The following PRRC2B variants were observed in gnomAD, a reference collection of about 807,000 sequenced individuals.
PRRC2B encodes the protein protein PRRC2B.
A neutral mutation model predicts 242.3 loss-of-function variants in PRRC2B; 68 were observed. The observed-to-expected ratio is 0.28, with a 90% CI of 0.23 to 0.34. PRRC2B has a LOEUF of 0.34. Among genes scored for constraint, PRRC2B ranks in the 10% least tolerant of loss-of-function variants. The pLI, the probability that PRRC2B is intolerant of heterozygous loss-of-function variation, is 1.00. For synonymous variants in PRRC2B, 1,228 were observed against 1,173.6 expected (o/e 1.05, Z -0.95); for missense variants, 2,835 against 2,954.8 (o/e 0.96, Z 0.94).
chr9:131,471,739 G>A (rs1315744697), intron 14 of PRRC2B, among the ~76,000 whole-genome samples: 1 of 152,188 alleles, frequency 6.6e-6, no homozygotes, highest in African/African-American at 2.4e-5. Context: ...TCCTGACTTA[G>A]GTTGCTTGAC....
At chr9:131,403,676 AAAAC>A (rs1337399540) in intron 1 of PRRC2B, among the ~76,000 whole-genome samples, 136 of 69,748 alleles carry the variant, frequency 1.9e-3, no homozygotes, top group African/African-American at 5.0e-3. Context: ...AAAAAAAAAA[AAAAC>A]AAAATTAAAA....
At chr9:131,455,570 G>C (rs887341962) in intron 10 of PRRC2B, among the ~76,000 whole-genome samples, 1 of 147,128 alleles carries the variant, frequency 6.8e-6, no homozygotes, top group Middle Eastern at 3.3e-3. Context: ...AGGCTGGAGT[G>C]CGGTGGCATG....
chr9:131,397,846 A>G (rs1187834418), intron 1 of PRRC2B, among the ~76,000 whole-genome samples: 2 of 152,186 alleles, frequency 1.3e-5, no homozygotes, highest in African/African-American at 4.8e-5. Context: ...ATTTCTCCCC[A>G]AAAAACAACA....
At chr9:131,431,638 G>C (rs1171907135) in intron 2 of PRRC2B, among the ~76,000 whole-genome samples, 1 of 149,538 alleles carries the variant, frequency 6.7e-6, no homozygotes, top group Non-Finnish European at 1.5e-5. Flanking sequence ...GCTGGATGGA[G>C]TGCAGTGGCG....
intron 1 of PRRC2B, among the ~76,000 whole-genome samples, chr9:131,421,673 A>G (rs1441711758): frequency 6.6e-6 from 1 of 152,132 alleles, no homozygotes; most frequent in Admixed American, 6.6e-5. Flanking sequence ...CTTTGTCACT[A>G]TTGTGAGTGG....
rs1352583728 is a variant in PRRC2B at position 131,481,784 on chromosome 9, C to G, written c.4959C>G (p.Ser1653Arg). The change falls in exon 20 of 32, where the codon AGC becomes AGG. Residue 1653 changes from serine (S) to arginine (R), a missense_variant. Coordinates refer to ENST00000683519, the MANE Select transcript of PRRC2B (RefSeq NM_013318.4). ...GGAGGAAAGCTGTCACTGCCTTCAG[C>G]AGCACCGAGACTGGCTCTGCGGAGG... ...DSWRKAVTAF[S>R]STETGSAEQG... The G allele has an allele frequency of 6.4e-7, 1 of 1,562,712 alleles. No homozygotes were observed. Among genetic ancestry groups the G allele is most frequent in the Admixed American group, 1.9e-5 (1 of 53,202 alleles).
chr9:131,459,213 G>T lies in PRRC2B; in HGVS notation c.1261G>T (p.Asp421Tyr). The T allele has an allele frequency of 2.2e-5, 35 of 1,614,038 alleles. No homozygotes were observed. The highest frequency in any genetic ancestry group is 3.0e-5 in the Non-Finnish European group (35 of 1,179,900). ...RQRQLSMSSA[D>Y]SADAKRTREE... Reference sequence around the variant, plus strand: ...GCGGCAGTTGTCAATGAGCTCTGCAGACAGTGCGGACGCTAAGCGGACTCG... The same window carrying T: ...GCGGCAGTTGTCAATGAGCTCTGCATACAGTGCGGACGCTAAGCGGACTCG... Residue 421 changes from aspartate (D) to tyrosine (Y), a missense_variant, in exon 11 of 32, where the codon GAC (aspartate) becomes TAC (tyrosine). By Grantham distance (160) the Asp-to-Tyr change is radical (BLOSUM62 -3). Around this residue, in one of 7 missense-constraint regions of PRRC2B, gnomAD observed 626 missense variants for 685.5 expected, o/e 0.91. Transcript: ENST00000683519.
At chr9:131,469,344 A>G (rs576430055) in intron 13 of PRRC2B, among the ~76,000 whole-genome samples, 2 of 152,254 alleles carry the variant, frequency 1.3e-5, no homozygotes, top group Non-Finnish European at 2.9e-5. Context: ...AAAAAATAAA[A>G]TAAAATAAAA....
At chr9:131,379,094 T>C (rs1200462881) in intron 1 of PRRC2B, among the ~76,000 whole-genome samples, 1 of 152,170 alleles carries the variant, frequency 6.6e-6, no homozygotes, top group Non-Finnish European at 1.5e-5. Context: ...ATACCTGGCC[T>C]TTTGTGTTCA....
intron 9 of PRRC2B, 75 bp from the exon 10 acceptor site, chr9:131,455,001 C>T (rs1943031629): frequency 2.6e-6 from 3 of 1,132,950 alleles, no homozygotes; most frequent in Non-Finnish European, 3.9e-6. Flanking sequence ...GGATTACAGG[C>T]ATGAGCCACC....
chr9:131,429,776 A>G (rs1838073583), intron 1 of PRRC2B, among the ~76,000 whole-genome samples: 1 of 152,058 alleles, frequency 6.6e-6, no homozygotes, highest in African/African-American at 2.4e-5. Flanking sequence ...GCTCTGTTGA[A>G]GTTTACATGT....
At chr9:131,404,936 AG>A (rs2131288936) in intron 1 of PRRC2B, among the ~76,000 whole-genome samples, 1 of 152,338 alleles carries the variant, frequency 6.6e-6, no homozygotes, top group East Asian at 1.9e-4. Context: ...GTGGTTCTGC[AG>A]TGTGGACTCT....
intron 19 of PRRC2B, among the ~76,000 whole-genome samples, chr9:131,480,296 C>T (rs1943820810): frequency 6.6e-6 from 1 of 152,212 alleles, no homozygotes; most frequent in Non-Finnish European, 1.5e-5. Flanking sequence ...AACTTTGGTT[C>T]TTGCAAACTA....
chr9:131,440,744 A>G (rs923378730), intron 5 of PRRC2B, among the ~76,000 whole-genome samples: 162 of 152,344 alleles, frequency 1.1e-3, no homozygotes, highest in African/African-American at 3.6e-3. Context: ...GAAGTTTTCT[A>G]TTGATTTGGC....
At position 131,486,190 on chromosome 9, in the gene PRRC2B, C is replaced by T. The variant is rs143160440; in HGVS notation, c.5856+8C>T. 1.2e-3 allele frequency: 1,952 copies of T among 1,594,328 alleles called. 4 individuals carry two copies. Among genetic ancestry groups the T allele is most frequent in the Admixed American group, 1.5e-3 (87 of 58,968 alleles). Reference sequence around the variant, plus strand: ...CAGCAGAGTTACCAACAGGTGACAGCAGCTAGCCAGGTGGCCTGGCTGGGG... The same window carrying T: ...CAGCAGAGTTACCAACAGGTGACAGTAGCTAGCCAGGTGGCCTGGCTGGGG... On this transcript the variant is annotated splice_region_variant and intron_variant, in intron 26 of 31. Coordinates refer to ENST00000683519, the MANE Select transcript of PRRC2B (RefSeq NM_013318.4).
rs545753803 is a variant in PRRC2B, at chr9:131,427,410, A to G, written c.-51-2684A>G. Among the ~76,000 whole-genome samples the G allele has an allele frequency of 1.7e-4, 26 of 152,154 alleles. 2 individuals carry two copies. In the South Asian group the frequency reaches 5.2e-3, roughly 30 times the overall value. The stretch of plus-strand genomic sequence containing the variant: ...CAGTGGTGCGATCTCAGCTCACTGC[A>G]AGCTCTGCTTCCCGGGTTCACGCCA... On this transcript the variant is annotated intron_variant, in intron 1 of 31. Transcript: ENST00000683519.
At chr9:131,477,147 A>C (rs1456921999) in intron 16 of PRRC2B, among the ~76,000 whole-genome samples, 1 of 152,188 alleles carries the variant, frequency 6.6e-6, no homozygotes, top group Non-Finnish European at 1.5e-5. Context: ...GGTCCCCTGC[A>C]CAGTCTGGGT....
intron 11 of PRRC2B, among the ~76,000 whole-genome samples, chr9:131,462,953 TA>T (rs1405428726): frequency 6.7e-6 from 1 of 149,446 alleles, no homozygotes; most frequent in African/African-American, 2.5e-5. Flanking sequence ...CTTGACGGTG[TA>T]CATGTGCCCT....
intron 11 of PRRC2B, among the ~76,000 whole-genome samples, chr9:131,460,078 A>G (rs1465469767): frequency 6.6e-6 from 1 of 152,170 alleles, no homozygotes; most frequent in East Asian, 1.9e-4. Context: ...CTGATTGAAC[A>G]GTAAGTTGAC....
Sources: allele counts gnomAD v4.1 joint callset (sites outside exome capture counted in the v4.1 genomes callset), GRCh38; gene constraint gnomAD v4.1.1; regional missense constraint gnomAD v4.1.1; transcripts MANE v1.5; gene names NCBI Gene and HGNC (gene_info 2026-07-23, HGNC 2026-07-21).